The following CYP2C19 variants were observed in gnomAD, a reference collection of about 807,000 sequenced individuals.
The protein encoded by CYP2C19 is cytochrome P450 family 2 subfamily C member 19, also known as cytochrome P450 2C19.
CYP2C19 carries 59 observed loss-of-function variants against 40.9 expected under a neutral mutation model. The ratio of observed to expected loss-of-function variants is 1.44; its 90% CI spans 1.17 to 1.79. The LOEUF (loss-of-function observed/expected upper bound fraction) is 1.79, where lower values mean the gene tolerates loss of function less well. Among genes scored for constraint, CYP2C19 ranks in the 40% most tolerant of loss-of-function variants. The probability of loss-of-function intolerance (pLI) is 0.00; values close to 1 mark genes in which losing one functional copy is unlikely to be tolerated. For synonymous variants in CYP2C19, 253 were observed against 208.7 expected (o/e 1.21, Z -1.83); for missense variants, 754 against 596.9 (o/e 1.26, Z -2.74).
At chr10:94,778,223 G>T (rs1848436051) in intron 3 of CYP2C19, among the ~76,000 whole-genome samples, 1 of 152,132 alleles carries the variant, frequency 6.6e-6, no homozygotes, top group East Asian at 1.9e-4. Context: ...GATGATCAAA[G>T]GTCAGTTCCT....
At chr10:94,802,036 C>T (rs767658757) in intron 5 of CYP2C19, among the ~76,000 whole-genome samples, 2 of 152,092 alleles carry the variant, frequency 1.3e-5, no homozygotes, top group Non-Finnish European at 2.9e-5. Flanking sequence ...AGGTGGCCAG[C>T]TTTTATTCCC....
chr10:94,808,775 T>C (rs892762199), intron 5 of CYP2C19, among the ~76,000 whole-genome samples: 1 of 152,208 alleles, frequency 6.6e-6, no homozygotes, highest in Admixed American at 6.5e-5. Context: ...CTCATTTTTT[T>C]AAATGGCTGT....
intron 7 of CYP2C19, among the ~76,000 whole-genome samples, chr10:94,845,976 T>G (rs1731161660): frequency 6.6e-6 from 1 of 152,144 alleles, no homozygotes; most frequent in Non-Finnish European, 1.5e-5. Flanking sequence ...TACTGCAGTA[T>G]ATGTAGCCCA....
chr10:94,818,527 G>A (rs1472098735), intron 5 of CYP2C19, among the ~76,000 whole-genome samples: 1 of 145,344 alleles, frequency 6.9e-6, no homozygotes, highest in Non-Finnish European at 1.5e-5. Context: ...CATGAGCATG[G>A]AATGTTCTTC....
chr10:94,773,684 C>T (rs1371053076), intron 1 of CYP2C19, among the ~76,000 whole-genome samples: 3 of 152,096 alleles, frequency 2.0e-5, no homozygotes, highest in Admixed American at 2.0e-4. Context: ...GTTCGTTCCT[C>T]CTGGTGGGTT....
intron 7 of CYP2C19, among the ~76,000 whole-genome samples, chr10:94,848,427 A>T (rs1397890763): frequency 2.0e-5 from 3 of 152,094 alleles, no homozygotes; most frequent in Non-Finnish European, 4.4e-5. Context: ...GTTCTGTTCC[A>T]TTGGTCTACA....
intron 6 of CYP2C19, among the ~76,000 whole-genome samples, chr10:94,829,226 G>A (rs1004224066): frequency 1.3e-5 from 2 of 152,096 alleles, no homozygotes; most frequent in African/African-American, 2.4e-5. Flanking sequence ...GCTAGATTGG[G>A]GAAGTTCTCC....
In CYP2C19 at chr10:94,855,305, G is replaced by A. The variant is rs748925894; in HGVS notation, c.*2391G>A. ...AACAATTGCACTGATGATCTGTTAA[G>A]CATCTTGTTCAAGGTCACACAGCTT... On this transcript the variant is annotated 3_prime_UTR_variant, in exon 9 of 9. Transcript: ENST00000371321. 1.3e-4 allele frequency among the ~76,000 whole-genome samples: 20 copies of A among 152,182 alleles called. No individual in the cohort carries two copies. The highest frequency in any genetic ancestry group is 2.1e-4 in the South Asian group (1 of 4,834).
At chr10:94,805,885 A>G (rs1237606037) in intron 5 of CYP2C19, among the ~76,000 whole-genome samples, 1 of 152,178 alleles carries the variant, frequency 6.6e-6, no homozygotes, top group African/African-American at 2.4e-5. Context: ...TATGTGCCAG[A>G]TACTGTGCGG....
chr10:94,783,152 C>T (rs937682376), intron 5 of CYP2C19, among the ~76,000 whole-genome samples: 4 of 151,882 alleles, frequency 2.6e-5, no homozygotes, highest in African/African-American at 9.7e-5. Flanking sequence ...AAACAAAATG[C>T]AGGTTTTAGG....
intron 3 of CYP2C19, among the ~76,000 whole-genome samples, chr10:94,779,217 C>T (rs749803243): frequency 6.6e-6 from 1 of 152,086 alleles, no homozygotes; most frequent in Non-Finnish European, 1.5e-5. Context: ...ACCACCATGG[C>T]ACATGTATAC....
At chr10:94,845,169 G>A (rs1024525713) in intron 7 of CYP2C19, among the ~76,000 whole-genome samples, 1 of 152,186 alleles carries the variant, frequency 6.6e-6, no homozygotes, top group Non-Finnish European at 1.5e-5. Flanking sequence ...AATAGTCTGA[G>A]AGAGGAGTTG....
chr10:94,817,991 C>A (rs1183156717), intron 5 of CYP2C19, among the ~76,000 whole-genome samples: 1 of 117,366 alleles, frequency 8.5e-6, no homozygotes, highest in African/African-American at 3.4e-5. Flanking sequence ...CCAGCCTGGG[C>A]GACAGAGTGA....
intron 1 of CYP2C19, among the ~76,000 whole-genome samples, chr10:94,770,982 C>T (rs1312250443): frequency 3.3e-5 from 5 of 152,136 alleles, no homozygotes; most frequent in Non-Finnish European, 7.4e-5. Flanking sequence ...CAGCTAAAGC[C>T]ACATTCTTTT....
intron 7 of CYP2C19, among the ~76,000 whole-genome samples, chr10:94,844,334 A>C (rs531022293): frequency 1.5e-4 from 23 of 152,308 alleles, no homozygotes; most frequent in African/African-American, 5.3e-4. Flanking sequence ...GACATAACAC[A>C]TGTTGTCATG....
chr10:94,838,604 G>T (rs148319235), intron 6 of CYP2C19, among the ~76,000 whole-genome samples: 39 of 152,006 alleles, frequency 2.6e-4, no homozygotes, highest in African/African-American at 8.9e-4. Context: ...GCACTCTTTG[G>T]TTCATTATTT....
At chr10:94,809,376 T>C (rs1210057153) in intron 5 of CYP2C19, among the ~76,000 whole-genome samples, 1 of 152,170 alleles carries the variant, frequency 6.6e-6, no homozygotes, top group Non-Finnish European at 1.5e-5. Flanking sequence ...TTTCTTCCTA[T>C]CTGTGGGTTA....
chr10:94,785,525 C>T (rs565647889), intron 5 of CYP2C19, among the ~76,000 whole-genome samples: 1 of 152,122 alleles, frequency 6.6e-6, no homozygotes, highest in African/African-American at 2.4e-5. Flanking sequence ...GTCTTGATGT[C>T]TATCTTTATG....
chr10:94,811,147 G>A (rs557542941), intron 5 of CYP2C19, among the ~76,000 whole-genome samples: 38 of 152,302 alleles, frequency 2.5e-4, no homozygotes, highest in Non-Finnish European at 2.9e-4. Flanking sequence ...TTACCCAGTA[G>A]TCATTCAGAG....
Sources: gnomAD v4.1 joint callset for allele counts (sites outside exome capture counted in the v4.1 genomes callset) on GRCh38, gnomAD v4.1.1 for gene constraint, MANE v1.5 for transcripts, NCBI Gene and HGNC (gene_info 2026-07-23, HGNC 2026-07-21) for gene names.